Variants in MEGF11 observed in about 807,000 individuals in gnomAD.
MEGF11 encodes multiple EGF like domains 11.
Under a neutral mutation model 146.6 loss-of-function variants are expected in MEGF11, and 126 were observed. The observed-to-expected ratio is 0.86, with a 90% CI of 0.74 to 1.00. The LOEUF is 1.00. Among genes scored for constraint, MEGF11 ranks in the 50% least tolerant of loss-of-function variants. The probability of loss-of-function intolerance (pLI) is 0.00; values close to 1 mark genes in which losing one functional copy is unlikely to be tolerated. For synonymous variants in MEGF11, 532 were observed against 583.4 expected (o/e 0.91, Z 1.27); for missense variants, 1,509 against 1,521.2 (o/e 0.99, Z 0.13).
At position 66,076,216 on chromosome 15, in the gene MEGF11, GGATGGAT is replaced by G; in HGVS notation, c.394+18179_394+18185del. Among the ~76,000 whole-genome samples the G allele has an allele frequency of 2.0e-5, 3 of 148,826 alleles. 1 individual carries two copies. In the South Asian group the frequency reaches 6.4e-4, roughly 32 times the overall value. ...GGACTGACAGACAGGATGGATGGATGGATGGATGGATGGATGGATGGATGGATGGATG... is the reference window on the plus strand; with the variant it reads ...GGACTGACAGACAGGATGGATGGATGGGATGGATGGATGGATGGATGGATG... On this transcript the variant is annotated intron_variant, in intron 5 of 25. Transcript: ENST00000395614.
intron 5 of MEGF11, among the ~76,000 whole-genome samples, chr15:66,046,805 T>C (rs1330666963): frequency 6.6e-6 from 1 of 152,198 alleles, no homozygotes; most frequent in Non-Finnish European, 1.5e-5. Flanking sequence ...TATCTTTGCC[T>C]AGGCTGTCCC....
rs73479385 is a variant in MEGF11, at chr15:65,926,694, T to C, written c.1675+1731A>G. Among the ~76,000 whole-genome samples the C allele has an allele frequency of 5.8e-3, 887 of 152,292 alleles. 6 individuals carry two copies. The highest frequency in any genetic ancestry group is 0.021 in the African/African-American group (864 of 41,546). On this transcript the variant is annotated intron_variant, in intron 13 of 25. Coordinates refer to ENST00000395614, the MANE Select transcript of MEGF11 (RefSeq NM_001385028.1). The stretch of plus-strand genomic sequence containing the variant: ...ACATCAATCACTTCTTTGAAAAGAC[T>C]TCAGGACCACATTTGGGGAAATTAG...
At chr15:65,903,288 A>G (rs2078538784) in intron 24 of MEGF11, among the ~76,000 whole-genome samples, 1 of 152,182 alleles carries the variant, frequency 6.6e-6, no homozygotes, top group African/African-American at 2.4e-5. Flanking sequence ...GGCGATGGAG[A>G]ATAGCAATTT....
At chr15:65,986,793 CTTTTTTTTTT>C (rs34991788) in intron 5 of MEGF11, among the ~76,000 whole-genome samples, 2 of 121,332 alleles carry the variant, frequency 1.6e-5, no homozygotes, top group African/African-American at 6.3e-5. Flanking sequence ...CTGATTTTTC[CTTTTTTTTTT>C]TTTTTTTTTT....
At position 66,030,292 on chromosome 15, in the gene MEGF11, C is replaced by T. The variant is rs2083471694; in HGVS notation, c.395-47804G>A. Among the ~76,000 whole-genome samples, 5 of 152,358 alleles carry T rather than the reference C, an allele frequency of 3.3e-5. No individual in the cohort carries two copies. The South Asian group carries it at 8.3e-4, about 25-fold the overall frequency. The stretch of plus-strand genomic sequence containing the variant: ...CAGTGCATATATATCAGAAACCTCA[C>T]ATGTAATATCTACCCTTCATGGACC... On this transcript the variant is annotated intron_variant, in intron 5 of 25. Transcript: ENST00000395614.
At chr15:65,919,649 G>A (rs531603657) in intron 15 of MEGF11, among the ~76,000 whole-genome samples, 2 of 152,022 alleles carry the variant, frequency 1.3e-5, no homozygotes, top group African/African-American at 2.4e-5. Context: ...TTTTTGTTTC[G>A]AGACAGAGTC....
chr15:66,208,605 G>A (rs1567284375), intron 1 of MEGF11, among the ~76,000 whole-genome samples: 1 of 152,206 alleles, frequency 6.6e-6, no homozygotes, highest in Non-Finnish European at 1.5e-5. Flanking sequence ...GTCCCAGCTG[G>A]GAGTGGCAGC....
rs550636767 is a variant in MEGF11, at chr15:65,895,477, T to G, written c.*2457A>C. 1 of 152,770 alleles carries G rather than the reference T, an allele frequency of 6.5e-6. No individual in the cohort carries two copies. The highest frequency in any genetic ancestry group is 2.1e-4 in the South Asian group (1 of 4,826). The allele number at this position is 152,770 out of a possible 1,614,324, so 9.5% of individuals were successfully genotyped here. On this transcript the variant is annotated 3_prime_UTR_variant, in exon 26 of 26. Coordinates refer to ENST00000395614, the MANE Select transcript of MEGF11 (RefSeq NM_001385028.1). ...GTACACATATTAATTTTTTGAAAAT[T>G]TAGTTTCTGAAAAATAATTGAACAG... is the stretch of plus-strand genomic sequence containing the variant.
intron 16 of MEGF11, 85 bp from the exon 17 acceptor site, chr15:65,917,041 A>AGCCAAGAT: frequency 1.5e-6 from 2 of 1,357,638 alleles, no homozygotes; most frequent in Non-Finnish European, 1.9e-6. Flanking sequence ...TACATGTCAG[A>AGCCAAGAT]GCCAAGATGC....
intron 1 of MEGF11, among the ~76,000 whole-genome samples, chr15:66,146,065 C>A (rs568336557): frequency 6.6e-6 from 1 of 152,216 alleles, no homozygotes; most frequent in South Asian, 2.1e-4. Flanking sequence ...TGTGTCATAT[C>A]CTTTTTGGGT....
In MEGF11 at chr15:66,128,376, C is replaced by T. The variant is rs1225882592; in HGVS notation, c.28G>A (p.Ala10Thr). ...AGGGTGGCTTGCAGGAAGGAGAAGG[C>T]AATGAGCCCCGTCAGGGAGAGCACC... MVLSLTGLI[A>T]FSFLQATLAL... The change falls in exon 2 of 26, where the codon GCC becomes ACC. Residue 10 changes from alanine to threonine, a missense_variant. Ala to Thr is a moderately conservative substitution (Grantham distance 58). Transcript: ENST00000395614. 3 of 1,521,618 alleles carry T rather than the reference C, an allele frequency of 2.0e-6. No individual in the cohort carries two copies. Among genetic ancestry groups the T allele is most frequent in the Non-Finnish European group, 8.8e-7 (1 of 1,132,990 alleles). 94.3% of individuals were successfully genotyped at this position (1,521,618 alleles called of 1,614,324 possible).
chr15:66,015,027 A>G (rs903657706), intron 5 of MEGF11, among the ~76,000 whole-genome samples: 1 of 152,170 alleles, frequency 6.6e-6, no homozygotes, highest in Non-Finnish European at 1.5e-5. Context: ...TCGTCCCACC[A>G]TGATTGCTTT....
intron 7 of MEGF11, among the ~76,000 whole-genome samples, chr15:65,975,589 G>C (rs1325853576): frequency 6.6e-6 from 1 of 152,162 alleles, no homozygotes; most frequent in Non-Finnish European, 1.5e-5. Context: ...GAAGAGCACT[G>C]GGTTCAAAGT....
intron 19 of MEGF11, 129 bp from the exon 20 acceptor site, chr15:65,914,102 G>A (rs1436970945): frequency 2.9e-6 from 2 of 689,608 alleles, no homozygotes; most frequent in Non-Finnish European, 4.9e-6. Flanking sequence ...CCCGATTCCT[G>A]AGTCCCTATG....
At position 66,094,446 on chromosome 15, in the gene MEGF11, G is replaced by T; in HGVS notation, c.350C>A (p.Thr117Asn). 1 of 1,563,778 alleles carries T rather than the reference G, an allele frequency of 6.4e-7. No individual in the cohort carries two copies. Among genetic ancestry groups the T allele is most frequent in the East Asian group, 2.4e-5 (1 of 42,028 alleles). The change falls in exon 5 of 26, where the codon ACC becomes AAC. Residue 117 changes from threonine (T) to asparagine (N), a missense_variant. By Grantham distance (65) the Thr-to-Asn change is moderately conservative. Coordinates refer to ENST00000395614, the MANE Select transcript of MEGF11 (RefSeq NM_001385028.1). Reference sequence around the variant, plus strand: ...TCCCCAGCCAGGCTCGCAGTGGCAGGTGTCCGGGGAAACGCAGCGGCCGTG... The same window carrying T: ...TCCCCAGCCAGGCTCGCAGTGGCAGTTGTCCGGGGAAACGCAGCGGCCGTG... ...CVHGRCVSPD[T>N]CHCEPGWGGP...
At chr15:66,236,213 G>A (rs2092087558) in intron 1 of MEGF11, among the ~76,000 whole-genome samples, 1 of 152,158 alleles carries the variant, frequency 6.6e-6, no homozygotes, top group Non-Finnish European at 1.5e-5. Flanking sequence ...GGAGGAGGGA[G>A]GACCAGAAGC....
At chr15:66,106,000 G>A (rs1266255776) in intron 4 of MEGF11, among the ~76,000 whole-genome samples, 3 of 152,210 alleles carry the variant, frequency 2.0e-5, no homozygotes, top group African/African-American at 7.2e-5. Context: ...CTGGCCAGGG[G>A]AGGGAGGAGG....
intron 1 of MEGF11, among the ~76,000 whole-genome samples, chr15:66,179,465 G>C (rs58838384): frequency 6.6e-6 from 1 of 152,120 alleles, no homozygotes; most frequent in African/African-American, 2.4e-5. Context: ...TCTACCACAC[G>C]TGGGAGGAGG....
intron 5 of MEGF11, among the ~76,000 whole-genome samples, chr15:66,031,002 T>G (rs932158735): frequency 2.6e-5 from 4 of 152,194 alleles, no homozygotes; most frequent in Non-Finnish European, 5.9e-5. Context: ...TTGCCCATTC[T>G]GTACCCAAAC....
Sources: gnomAD v4.1 joint callset for allele counts (sites outside exome capture counted in the v4.1 genomes callset) on GRCh38, gnomAD v4.1.1 for gene constraint, MANE v1.5 for transcripts, NCBI Gene and HGNC (gene_info 2026-07-23, HGNC 2026-07-21) for gene names.